The following SATB2 variants were observed in gnomAD, a reference collection of about 807,000 sequenced individuals.
SATB2 encodes the protein DNA-binding protein SATB2.
Under a neutral mutation model 73.4 loss-of-function variants are expected in SATB2, and 1 was observed. The ratio of observed to expected loss-of-function variants is 0.01; its 90% confidence interval spans 0.00 to 0.06. The LOEUF (loss-of-function observed/expected upper bound fraction) is 0.06, where lower values mean the gene tolerates loss of function less well. SATB2 is among the 10% of genes least tolerant of loss of function. The probability of loss-of-function intolerance (pLI) is 1.00; values close to 1 mark genes in which losing one functional copy is unlikely to be tolerated. For missense variants in SATB2, 459 were observed against 945.8 expected (o/e 0.49, Z 6.75); for synonymous variants, 397 against 367.0 (o/e 1.08, Z -0.93).
intron 5 of SATB2, among the ~76,000 whole-genome samples, chr2:199,370,680 T>C (rs1295871608): frequency 6.6e-6 from 1 of 152,054 alleles, no homozygotes; most frequent in Non-Finnish European, 1.5e-5. Flanking sequence ...TAATCCAAAT[T>C]CCCCTCACTC....
rs540820846 is a variant in SATB2 at position 199,288,768 on chromosome 2, G to GA, written c.1741-16097dup. Reference sequence around the variant, plus strand: ...ATTATAATCAACCACTCTGGTAAAAGAAAAAAAAAATCTAGCATTACCACA... The same window carrying GA: ...ATTATAATCAACCACTCTGGTAAAAGAAAAAAAAAAATCTAGCATTACCACA... On this transcript the variant is annotated intron_variant, in intron 10 of 10. Coordinates refer to ENST00000417098, the MANE Select transcript of SATB2 (RefSeq NM_001172509.2). 2.1e-3 allele frequency among the ~76,000 whole-genome samples: 308 copies of GA among 149,040 alleles called. 1 individual carries two copies. The highest frequency in any genetic ancestry group is 6.5e-3 in the African/African-American group (265 of 40,696).
intron 10 of SATB2, among the ~76,000 whole-genome samples, chr2:199,289,628 C>T (rs1397536882): frequency 2.0e-5 from 3 of 152,128 alleles, no homozygotes; most frequent in Admixed American, 1.3e-4. Context: ...GAATACGCTT[C>T]GGGGTGGATT....
chr2:199,311,139 C>G (rs1321072927), intron 9 of SATB2, among the ~76,000 whole-genome samples: 1 of 152,122 alleles, frequency 6.6e-6, no homozygotes, highest in Admixed American at 6.6e-5. Context: ...CAGACATAAG[C>G]AAACCAAATT....
chr2:199,462,809 G>C (rs564411203), upstream of SATB2, among the ~76,000 whole-genome samples: 7 of 152,144 alleles, frequency 4.6e-5, no homozygotes, highest in South Asian at 1.5e-3. This position sits in a 1 kb window ranked among gnomAD's most constrained non-coding sequence, Gnocchi z 5.9. Flanking sequence ...AGGATGGTGG[G>C]CAACGAGTCT....
intron 10 of SATB2, among the ~76,000 whole-genome samples, chr2:199,283,414 G>A (rs1298141499): frequency 4.6e-5 from 7 of 151,602 alleles, no homozygotes; most frequent in Non-Finnish European, 1.0e-4. Context: ...TGACCTTGCT[G>A]AAATTCGCCG....
chr2:199,275,534 T>A (rs180942539), intron 10 of SATB2, among the ~76,000 whole-genome samples: 1 of 152,098 alleles, frequency 6.6e-6, no homozygotes, highest in Non-Finnish European at 1.5e-5. Flanking sequence ...TTAATTCCAA[T>A]TCGGAGGATT....
chr2:199,328,296 T>A (rs940903916), intron 8 of SATB2, among the ~76,000 whole-genome samples: 4 of 152,144 alleles, frequency 2.6e-5, no homozygotes, highest in African/African-American at 4.8e-5. Context: ...ATCCCAGCAC[T>A]TTGGGAGACC....
At chr2:199,393,691 A>G (rs1217522406) in intron 3 of SATB2, among the ~76,000 whole-genome samples, 1 of 152,172 alleles carries the variant, frequency 6.6e-6, no homozygotes, top group African/African-American at 2.4e-5. Context: ...AATAAAGTCA[A>G]CATTGAATTG....
chr2:199,374,683 G>A (rs879943523), intron 5 of SATB2, among the ~76,000 whole-genome samples: 8 of 152,190 alleles, frequency 5.3e-5, no homozygotes, highest in Non-Finnish European at 8.8e-5. Context: ...CAATTTTCAG[G>A]CTAGGTGCAA....
intron 6 of SATB2, among the ~76,000 whole-genome samples, chr2:199,354,786 C>A (rs1471322027): frequency 1.3e-5 from 2 of 152,122 alleles, no homozygotes; most frequent in African/African-American, 4.8e-5. Flanking sequence ...TTTCCAACCA[C>A]CCTCTAAACT....
At chr2:199,332,586 G>A (rs1018413942) in intron 7 of SATB2, among the ~76,000 whole-genome samples, 3 of 151,910 alleles carry the variant, frequency 2.0e-5, no homozygotes, top group African/African-American at 7.3e-5. Flanking sequence ...AAAGAATTGA[G>A]GCTAATTTTT....
intron 3 of SATB2, among the ~76,000 whole-genome samples, chr2:199,421,801 T>C (rs1691178834): frequency 6.6e-6 from 1 of 152,146 alleles, no homozygotes; most frequent in African/African-American, 2.4e-5. Flanking sequence ...CAGACAAAGG[T>C]AAGAAAGCAA....
At chr2:199,451,629 A>G (rs541709328) in intron 2 of SATB2, among the ~76,000 whole-genome samples, 15 of 152,064 alleles carry the variant, frequency 9.9e-5, no homozygotes, top group African/African-American at 1.9e-4. Context: ...CTATACTTTC[A>G]TATCTGCATT....
chr2:199,390,667 C>T (rs1183955967), intron 3 of SATB2, among the ~76,000 whole-genome samples: 2 of 152,178 alleles, frequency 1.3e-5, no homozygotes, highest in Non-Finnish European at 2.9e-5. Flanking sequence ...GCATCCTCTA[C>T]GATGAGGTAT....
chr2:199,458,912 C>T (rs1351438689), upstream of SATB2, among the ~76,000 whole-genome samples: 2 of 152,116 alleles, frequency 1.3e-5, no homozygotes, highest in Admixed American at 6.5e-5. Context: ...AAAGCTGGCA[C>T]GGCCGCGAGT....
intron 7 of SATB2, among the ~76,000 whole-genome samples, chr2:199,336,379 A>G (rs538462081): frequency 5.3e-5 from 8 of 152,114 alleles, no homozygotes; most frequent in Admixed American, 1.3e-4. Context: ...CCTAGTTTCC[A>G]TGAATGTTCC....
At chr2:199,336,081 T>A (rs1358527484) in intron 7 of SATB2, among the ~76,000 whole-genome samples, 6 of 152,162 alleles carry the variant, frequency 3.9e-5, no homozygotes, top group African/African-American at 1.2e-4. Flanking sequence ...TGTTTTTTGT[T>A]TGTTTGTTTG....
chr2:199,396,217 A>G (rs1291776400), intron 3 of SATB2: 2 of 152,228 alleles, frequency 1.3e-5, no homozygotes, highest in Non-Finnish European at 2.9e-5. Flanking sequence ...TTCCCACAAA[A>G]TACAATCATT....
Position 199,364,048 on chromosome 2 carries a change from C to G in SATB2, c.700+4557G>C, listed in dbSNP as rs1354079081. Reference sequence around the variant, plus strand: ...GAGTTGATTAAAGGCATTGTCCTGACCACTGATACCACCATGGCTAAGCAA... The same window carrying G: ...GAGTTGATTAAAGGCATTGTCCTGAGCACTGATACCACCATGGCTAAGCAA... On this transcript the variant is annotated intron_variant, in intron 6 of 10. Transcript: ENST00000417098. 2.0e-5 allele frequency among the ~76,000 whole-genome samples: 3 copies of G among 152,270 alleles called. No homozygotes were observed. In the East Asian group the frequency reaches 5.8e-4, roughly 29 times the overall value.
Sources: gnomAD v4.1 joint callset for allele counts (sites outside exome capture counted in the v4.1 genomes callset) on GRCh38, gnomAD v4.1.1 for gene constraint, Gnocchi (gnomAD v3.1) non-coding constraint, MANE v1.5 for transcripts, NCBI Gene and HGNC (gene_info 2026-07-23, HGNC 2026-07-21) for gene names.